The following KSR1 variants were observed in gnomAD, a reference collection of about 807,000 sequenced individuals.
The protein encoded by KSR1 is kinase suppressor of ras.
KSR1 carries 35 observed loss-of-function variants against 92.9 expected under a neutral mutation model. The ratio of observed to expected loss-of-function variants is 0.38; its 90% CI spans 0.29 to 0.50. The LOEUF (loss-of-function observed/expected upper bound fraction) is 0.50. Among genes scored for constraint, KSR1 ranks in the 20% least tolerant of loss-of-function variants. The pLI is 0.94. For missense variants in KSR1, 972 were observed against 1,158.5 expected (o/e 0.84, Z 2.34); for synonymous variants, 467 against 472.6 (o/e 0.99, Z 0.15).
rs778904441 is a variant in KSR1 at position 27,577,485 on chromosome 17, C to T, written c.373-7C>T. 2 of 1,497,712 alleles carry T rather than the reference C, an allele frequency of 1.3e-6. No individual in the cohort carries two copies. Among genetic ancestry groups the T allele is most frequent in the East Asian group, 2.4e-5 (1 of 41,970 alleles). 92.8% of individuals were successfully genotyped at this position (1,497,712 alleles called of 1,614,324 possible). A position where few individuals can be genotyped will look rare whatever the true frequency, so the allele number is the denominator to read the frequency against. ...CCGCCTCTCTGCCTGTCCCTCTGTC[C>T]CCTTAGGAGATCCCCCGAGACCTCA... On this transcript the variant is annotated splice_region_variant and splice_polypyrimidine_tract_variant and intron_variant, in intron 2 of 20. Transcript: ENST00000644974. This position sits in a 1 kb window ranked among gnomAD's most constrained non-coding sequence, Gnocchi z 4.5.
At chr17:27,564,748 C>G (rs866157379) in intron 2 of KSR1, among the ~76,000 whole-genome samples, 3 of 98,760 alleles carry the variant, frequency 3.0e-5, no homozygotes, top group South Asian at 3.7e-4. Flanking sequence ...CCCCCCCCCC[C>G]ACCTCCCCCA....
chr17:27,616,310 T>C (rs1157541339), intron 18 of KSR1, among the ~76,000 whole-genome samples: 1 of 152,272 alleles, frequency 6.6e-6, no homozygotes, highest in Non-Finnish European at 1.5e-5. Flanking sequence ...TTCTTTTGTA[T>C]TTTCCATCCC....
chr17:27,552,233 G>A (rs2071421484), intron 2 of KSR1, among the ~76,000 whole-genome samples: 1 of 152,156 alleles, frequency 6.6e-6, no homozygotes, highest in Non-Finnish European at 1.5e-5. Flanking sequence ...CCGATTTGTT[G>A]TCTGTGGTCT....
intron 20 of KSR1, chr17:27,622,352 C>T (rs573013851): frequency 5.2e-6 from 1 of 191,890 alleles, no homozygotes; most frequent in African/African-American, 2.4e-5. Flanking sequence ...GGGTGTGTGC[C>T]TAGTGCGGGG....
intron 10 of KSR1, among the ~76,000 whole-genome samples, chr17:27,598,382 A>C (rs1211006512): frequency 6.6e-6 from 1 of 152,152 alleles, no homozygotes; most frequent in Non-Finnish European, 1.5e-5. Flanking sequence ...TCCCTGTGCC[A>C]GGAGATCCCC....
Position 27,607,993 on chromosome 17 carries a change from G to A in KSR1, c.2074G>A (p.Ala692Thr), listed in dbSNP as rs1446522106. 1.9e-6 allele frequency: 3 copies of A among 1,608,332 alleles called. No homozygotes were observed. The highest frequency in any genetic ancestry group is 2.5e-6 in the Non-Finnish European group (3 of 1,177,324). Reference protein sequence around the residue: ...SLDINKTRQIAQEIIKGMGYL... With the variant: ...SLDINKTRQITQEIIKGMGYL... ...GGACATCAACAAGACGAGGCAAATCGCTCAGGAGATCATCAAGGTGAGGGG... is the reference window on the plus strand; with the variant it reads ...GGACATCAACAAGACGAGGCAAATCACTCAGGAGATCATCAAGGTGAGGGG... Residue 692 changes from alanine to threonine, a missense_variant, in exon 15 of 21, where the codon GCT becomes ACT. By Grantham distance (58) the Ala-to-Thr change is moderately conservative. This residue lies in a region of KSR1 where 260 missense variants were observed against 375.2 expected (regional missense o/e 0.69). Transcript: ENST00000644974.
intron 1 of KSR1, among the ~76,000 whole-genome samples, chr17:27,481,336 A>C (rs2068502702): frequency 6.6e-6 from 1 of 152,190 alleles, no homozygotes; most frequent in Non-Finnish European, 1.5e-5. Context: ...TTGTTTGTGG[A>C]AACAAGGTGA....
intron 2 of KSR1, among the ~76,000 whole-genome samples, chr17:27,574,122 G>A (rs766489695): frequency 4.6e-5 from 7 of 152,170 alleles, no homozygotes; most frequent in Non-Finnish European, 5.9e-5. Flanking sequence ...ACACCCTTCC[G>A]GACAAGTAGA....
At chr17:27,514,226 G>A (rs1269257238) in intron 1 of KSR1, among the ~76,000 whole-genome samples, 1 of 152,216 alleles carries the variant, frequency 6.6e-6, no homozygotes, top group Admixed American at 6.5e-5. Context: ...GTGTTTTATT[G>A]GGGCACCCCA....
chr17:27,509,566 G>A (rs1215018441), intron 1 of KSR1, among the ~76,000 whole-genome samples: 1 of 152,168 alleles, frequency 6.6e-6, no homozygotes, highest in Non-Finnish European at 1.5e-5. Context: ...TAGGATTACA[G>A]GCGTGAGCCA....
intron 1 of KSR1, among the ~76,000 whole-genome samples, chr17:27,470,247 T>G (rs1307081858): frequency 5.4e-5 from 8 of 148,244 alleles, no homozygotes; most frequent in Non-Finnish European, 1.0e-4. Context: ...TGTGTTTTTT[T>G]TTTTTTTTTT....
chr17:27,619,335 G>A (rs1013919389), intron 19 of KSR1, among the ~76,000 whole-genome samples: 1 of 150,792 alleles, frequency 6.6e-6, no homozygotes, highest in Non-Finnish European at 1.5e-5. Context: ...CTTTAAAGTA[G>A]TCAGAACCTT....
At chr17:27,569,637 A>T (rs1417844511) in intron 2 of KSR1, among the ~76,000 whole-genome samples, 1 of 152,248 alleles carries the variant, frequency 6.6e-6, no homozygotes, top group African/African-American at 2.4e-5. Context: ...ATATTTCGTG[A>T]CCCGTAAAAG....
intron 15 of KSR1, among the ~76,000 whole-genome samples, chr17:27,608,936 A>G (rs1238476813): frequency 6.6e-6 from 1 of 152,158 alleles, no homozygotes; most frequent in Admixed American, 6.5e-5. Flanking sequence ...CAAGGTTAAC[A>G]TGGTTGTTTA....
chr17:27,521,986 A>T (rs1402422025), intron 1 of KSR1, among the ~76,000 whole-genome samples: 1 of 152,214 alleles, frequency 6.6e-6, no homozygotes, highest in Non-Finnish European at 1.5e-5. Flanking sequence ...ATCTTTTCAC[A>T]TGACATCACA....
At chr17:27,504,421 G>T (rs1017085037) in intron 1 of KSR1, among the ~76,000 whole-genome samples, 2 of 152,192 alleles carry the variant, frequency 1.3e-5, no homozygotes, top group Non-Finnish European at 2.9e-5. Context: ...TGGGATATGG[G>T]GGGGAGAAGG....
chr17:27,600,028 G>C (rs1421698901), intron 10 of KSR1, among the ~76,000 whole-genome samples: 1 of 150,206 alleles, frequency 6.7e-6, no homozygotes, highest in African/African-American at 2.4e-5. Flanking sequence ...CATCTCCTGT[G>C]ATAACAGTGC....
In KSR1 at chr17:27,610,316, A is replaced by T. The variant is rs920976196; in HGVS notation, c.2357+118A>T. On this transcript the variant is annotated intron_variant, in intron 17 of 20. Transcript: ENST00000644974. The stretch of plus-strand genomic sequence containing the variant: ...TTGAAAACCCAGGCTCTGGAGTAAA[A>T]AATCAACCTTGAGTCCTGGCTCTGC... 3 of 1,410,512 alleles carry T rather than the reference A, an allele frequency of 2.1e-6. No homozygotes were observed. In the African/African-American group the frequency reaches 4.3e-5, roughly 20 times the overall value. The allele number at this position is 1,410,512 out of a possible 1,614,324, so 87.4% of individuals were successfully genotyped here. A position where few individuals can be genotyped will look rare whatever the true frequency, so the allele number is the denominator to read the frequency against.
chr17:27,563,126 G>A (rs1041031313), intron 2 of KSR1, among the ~76,000 whole-genome samples: 12 of 152,034 alleles, frequency 7.9e-5, no homozygotes, highest in Admixed American at 1.3e-4. Context: ...ACTAGTCCTC[G>A]GACTGTTGCA....
Sources: allele counts gnomAD v4.1 joint callset (sites outside exome capture counted in the v4.1 genomes callset), GRCh38; gene constraint gnomAD v4.1.1; regional missense constraint gnomAD v4.1.1; non-coding constraint Gnocchi (gnomAD v3.1); transcripts MANE v1.5; gene names NCBI Gene and HGNC (gene_info 2026-07-23, HGNC 2026-07-21).